The following MCTP1 variants were observed in gnomAD, a reference collection of about 807,000 sequenced individuals.
MCTP1 encodes multiple C2 and transmembrane domain-containing protein 1.
MCTP1 carries 69 observed loss-of-function variants against 120.6 expected under a neutral mutation model. The observed-to-expected ratio is 0.57, with a 90% CI of 0.47 to 0.70. The LOEUF (loss-of-function observed/expected upper bound fraction) is 0.70. Among genes scored for constraint, MCTP1 ranks in the 30% least tolerant of loss-of-function variants. The pLI, the probability that MCTP1 is intolerant of heterozygous loss-of-function variation, is 0.00. For missense variants in MCTP1, 1,203 were observed against 1,248.8 expected (o/e 0.96, Z 0.55); for synonymous variants, 529 against 493.1 (o/e 1.07, Z -0.96).
chr5:95,184,553 A>G (rs1487035523), intron 1 of MCTP1, among the ~76,000 whole-genome samples: 1 of 152,198 alleles, frequency 6.6e-6, no homozygotes, highest in African/African-American at 2.4e-5. Flanking sequence ...GATTCAGTTC[A>G]TGGTTTAACT....
At chr5:95,110,626 A>G (rs143350754) in intron 1 of MCTP1, among the ~76,000 whole-genome samples, 3 of 152,290 alleles carry the variant, frequency 2.0e-5, no homozygotes, top group African/African-American at 7.2e-5. Flanking sequence ...TTTGCTAGAT[A>G]TATCCATGGA....
chr5:95,020,828 C>T lies in MCTP1; in HGVS notation c.721-3344G>A, dbSNP rs73778094. ...GTTCTCACCTGGAATTGTAACACTG[C>T]CCATTAAATAAGCCCTTTTTCCCTT... is the stretch of plus-strand genomic sequence containing the variant. On this transcript the variant is annotated intron_variant, in intron 1 of 22. Coordinates refer to ENST00000515393, the MANE Select transcript of MCTP1 (RefSeq NM_024717.7). Among the ~76,000 whole-genome samples, 688 of 152,118 alleles carry T rather than the reference C, an allele frequency of 4.5e-3. 7 individuals are homozygous for T. The highest frequency in any genetic ancestry group is 0.016 in the African/African-American group (647 of 41,540).
chr5:94,920,785 A>AAT (rs1811462153), intron 7 of MCTP1, among the ~76,000 whole-genome samples: 11 of 147,302 alleles, frequency 7.5e-5, no homozygotes, highest in African/African-American at 2.7e-4. Context: ...AAATAAATAA[A>AAT]TAATAAAAAG....
At chr5:95,176,282 T>C (rs1358796147) in intron 1 of MCTP1, among the ~76,000 whole-genome samples, 1 of 152,130 alleles carries the variant, frequency 6.6e-6, no homozygotes, top group East Asian at 1.9e-4. Flanking sequence ...CCCAGAACTT[T>C]GGGAGGCAAA....
intron 2 of MCTP1, among the ~76,000 whole-genome samples, chr5:94,991,901 T>C (rs1359226268): frequency 3.3e-5 from 5 of 151,694 alleles, no homozygotes; most frequent in Non-Finnish European, 5.9e-5. Context: ...AATAAATAAA[T>C]AAACAAACAA....
chr5:94,766,361 A>G (rs992678260), intron 19 of MCTP1, among the ~76,000 whole-genome samples: 1 of 152,224 alleles, frequency 6.6e-6, no homozygotes, highest in South Asian at 2.1e-4. Flanking sequence ...GGATGAGTTC[A>G]TGTCCTTTGT....
intron 10 of MCTP1, among the ~76,000 whole-genome samples, chr5:94,905,539 G>A (rs910717578): frequency 5.3e-5 from 8 of 152,026 alleles, no homozygotes; most frequent in Middle Eastern, 3.4e-3. Flanking sequence ...GATGATGAGC[G>A]GTCGAGAATC....
chr5:94,905,795 C>T (rs1806719523), intron 10 of MCTP1, among the ~76,000 whole-genome samples: 1 of 152,026 alleles, frequency 6.6e-6, no homozygotes, highest in Non-Finnish European at 1.5e-5. Flanking sequence ...ATCTGGAATG[C>T]AGAGAAGAGT....
intron 1 of MCTP1, among the ~76,000 whole-genome samples, chr5:95,276,877 A>G (rs1759889725): frequency 6.6e-6 from 1 of 151,946 alleles, no homozygotes; most frequent in Admixed American, 6.6e-5. Context: ...GCGTGAACCC[A>G]GGAGGCGGAG....
At chr5:94,778,345 T>A (rs748155010) in intron 19 of MCTP1, among the ~76,000 whole-genome samples, 14 of 152,118 alleles carry the variant, frequency 9.2e-5, no homozygotes, top group Non-Finnish European at 2.1e-4. Context: ...GGTCTGGAAA[T>A]GTCCAGAGAT....
chr5:95,049,425 G>C (rs1214043125), intron 1 of MCTP1, among the ~76,000 whole-genome samples: 1 of 152,078 alleles, frequency 6.6e-6, no homozygotes, highest in East Asian at 1.9e-4. Flanking sequence ...ATATCATAAA[G>C]ACTAAAACAT....
At chr5:95,128,433 C>T (rs1050235513) in intron 1 of MCTP1, among the ~76,000 whole-genome samples, 1 of 152,150 alleles carries the variant, frequency 6.6e-6, no homozygotes, top group African/African-American at 2.4e-5. Flanking sequence ...TGCCCATCAA[C>T]TGATGAATGG....
intron 1 of MCTP1, among the ~76,000 whole-genome samples, chr5:95,147,187 T>C (rs189927556): frequency 3.9e-5 from 6 of 152,174 alleles, no homozygotes; most frequent in African/African-American, 1.4e-4. Flanking sequence ...CCTGGGTTCA[T>C]GCCATTCTCC....
Position 94,708,542 on chromosome 5 carries a change from GAAGTC to G in MCTP1, c.2893_2897del (p.Asp965ProfsTer23). 6.2e-7 allele frequency: 1 copy of G among 1,610,094 alleles called. No individual in the cohort carries two copies. Among genetic ancestry groups the G allele is most frequent in the Non-Finnish European group, 8.5e-7 (1 of 1,176,974 alleles). On this transcript the variant is annotated frameshift_variant, in exon 22 of 23. Transcript: ENST00000515393. LOFTEE classifies it high-confidence loss of function. Reference sequence around the variant, plus strand: ...GTACATCTGAAGGGACTCTGGAAAGGAAGTCAAGTAGTTCATTGTTATCAATTGCA... The same window carrying G: ...GTACATCTGAAGGGACTCTGGAAAGGAAGTAGTTCATTGTTATCAATTGCA...
At chr5:94,992,996 G>A (rs545818749) in intron 2 of MCTP1, among the ~76,000 whole-genome samples, 4 of 152,232 alleles carry the variant, frequency 2.6e-5, no homozygotes, top group Admixed American at 6.5e-5. Flanking sequence ...TTTGGGAAAA[G>A]CCATTTATTT....
chr5:94,711,015 G>A, intron 20 of MCTP1, 88 bp from the exon 21 acceptor site: 1 of 884,780 alleles, frequency 1.1e-6, no homozygotes, highest in South Asian at 1.5e-5. Flanking sequence ...TTGGGACCTA[G>A]TTAGTCTGCA....
chr5:94,985,770 C>T (rs1444992381), intron 2 of MCTP1, among the ~76,000 whole-genome samples: 1 of 152,114 alleles, frequency 6.6e-6, no homozygotes, highest in Non-Finnish European at 1.5e-5. Flanking sequence ...AACATAGTTG[C>T]TGCCATTCTG....
chr5:95,176,389 A>G (rs921426321), intron 1 of MCTP1, among the ~76,000 whole-genome samples: 19 of 152,006 alleles, frequency 1.2e-4, no homozygotes, highest in East Asian at 1.9e-4. Context: ...GCCAGGTGTG[A>G]TGGCACACAC....
chr5:95,263,480 T>C (rs560539333), intron 1 of MCTP1, among the ~76,000 whole-genome samples: 7 of 152,192 alleles, frequency 4.6e-5, no homozygotes, highest in South Asian at 2.1e-4. Flanking sequence ...CCACAAATTC[T>C]ACAGATTGAG....
Sources: allele counts gnomAD v4.1 joint callset (sites outside exome capture counted in the v4.1 genomes callset), GRCh38; gene constraint gnomAD v4.1.1; transcripts MANE v1.5; gene names NCBI Gene and HGNC (gene_info 2026-07-23, HGNC 2026-07-21).